The following OR4F15 variants were observed in gnomAD, a reference collection of about 807,000 sequenced individuals.
OR4F15 encodes the protein olfactory receptor 4F15.
OR4F15 carries 7 observed loss-of-function variants against 11.9 expected under a neutral mutation model. That is an observed-to-expected ratio of 0.59 (90% confidence interval 0.33 to 1.10). OR4F15 has a LOEUF of 1.10. Among genes scored for constraint, OR4F15 ranks in the 50% least tolerant of loss-of-function variants. The pLI, the probability that OR4F15 is intolerant of heterozygous loss-of-function variation, is 0.03. For synonymous variants in OR4F15, 151 were observed against 134.6 expected (o/e 1.12, Z -0.84); for missense variants, 445 against 377.5 (o/e 1.18, Z -1.48).
In OR4F15 at chr15:101,819,897, T is replaced by C. The variant is rs186323071; in HGVS notation, c.*772T>C. 1 of 152,366 alleles carries C rather than the reference T, an allele frequency of 6.6e-6. No individual in the cohort carries two copies. The highest frequency in any genetic ancestry group is 1.9e-4 in the East Asian group (1 of 5,190). 9.4% of individuals were successfully genotyped at this position (152,366 alleles called of 1,614,324 possible). ...TATTGCTCCAGTCTCTACATATTTT[T>C]GCCACCTTATCAGGCTTCTTTGGCC... is the stretch of plus-strand genomic sequence containing the variant. On this transcript the variant is annotated 3_prime_UTR_variant, in exon 2 of 2. Coordinates refer to ENST00000332238, the MANE Select transcript of OR4F15 (RefSeq NM_001001674.2).
rs532208355 is a variant in OR4F15 at position 101,819,103 on chromosome 15, C to T, written c.917C>T (p.Ala306Val). 4.9e-5 allele frequency: 78 copies of T among 1,605,322 alleles called. No individual in the cohort carries two copies. The highest frequency in any genetic ancestry group is 9.4e-5 in the African/African-American group (7 of 74,662). Reference protein sequence around the residue: ...VAMRRLCSRLAHFTKIL With the variant: ...VAMRRLCSRLVHFTKIL ...ATGAGGAGACTGTGCAGTCGTCTTGCGCATTTTACAAAGATTTTGTAAATG... is the reference window on the plus strand; with the variant it reads ...ATGAGGAGACTGTGCAGTCGTCTTGTGCATTTTACAAAGATTTTGTAAATG... The change falls in exon 2 of 2, where the codon GCG becomes GTG. Residue 306 changes from alanine to valine, a missense_variant. Transcript: ENST00000332238.
At position 101,820,027 on chromosome 15, in the gene OR4F15, C is replaced by G. The variant is rs1903078445; in HGVS notation, c.*902C>G. 6.6e-6 allele frequency: 1 copy of G among 152,200 alleles called. No individual in the cohort carries two copies. Among genetic ancestry groups the G allele is most frequent in the Non-Finnish European group, 1.5e-5 (1 of 68,040 alleles). 9.4% of individuals were successfully genotyped at this position (152,200 alleles called of 1,614,324 possible). A position where few individuals can be genotyped will look rare whatever the true frequency, so the allele number is the denominator to read the frequency against. Reference sequence around the variant, plus strand: ...CCCCTCAAATTACACGTACTAAAATCCAAGAATTGAGCAGTGACTAGTTTG... The same window carrying G: ...CCCCTCAAATTACACGTACTAAAATGCAAGAATTGAGCAGTGACTAGTTTG... On this transcript the variant is annotated 3_prime_UTR_variant, in exon 2 of 2. Coordinates refer to ENST00000332238, the MANE Select transcript of OR4F15 (RefSeq NM_001001674.2).
At chr15:101,813,412 G>A (rs1470070664) in intron 1 of OR4F15, among the ~76,000 whole-genome samples, 1 of 151,688 alleles carries the variant, frequency 6.6e-6, no homozygotes, top group Non-Finnish European at 1.5e-5. Context: ...GGGAGGCTGA[G>A]GCTACAGAAT....
intron 1 of OR4F15, among the ~76,000 whole-genome samples, chr15:101,817,013 T>C (rs935768333): frequency 2.6e-5 from 4 of 152,194 alleles, no homozygotes; most frequent in Admixed American, 1.3e-4. Flanking sequence ...TTTTATCTTA[T>C]GGTATCCTCT....
chr15:101,813,288 C>G (rs1381587853), intron 1 of OR4F15, among the ~76,000 whole-genome samples: 1 of 152,074 alleles, frequency 6.6e-6, no homozygotes, highest in Non-Finnish European at 1.5e-5. Context: ...GTGGACAGAT[C>G]AGTTGAGTGC....
In OR4F15 at chr15:101,819,011, T is replaced by C; in HGVS notation, c.825T>C (p.Asp275=). 6.2e-7 allele frequency: 1 copy of C among 1,614,132 alleles called. No individual in the cohort carries two copies. Among genetic ancestry groups the C allele is most frequent in the Non-Finnish European group, 8.5e-7 (1 of 1,179,970 alleles). The change falls in exon 2 of 2, where the codon GAT becomes GAC. Residue 275 remains aspartate (D), a synonymous_variant. Coordinates refer to ENST00000332238, the MANE Select transcript of OR4F15 (RefSeq NM_001001674.2). ...TGGATAAATATCTTGCTATTTTTGATGCATTTATTACTCCTTTTCTGAATC... is the reference window on the plus strand; with the variant it reads ...TGGATAAATATCTTGCTATTTTTGACGCATTTATTACTCCTTTTCTGAATC... The part of the protein sequence containing the change: ...SHLDKYLAIF[D]AFITPFLNPV...
At chr15:101,814,195 G>C (rs986493757) in intron 1 of OR4F15, among the ~76,000 whole-genome samples, 2 of 152,070 alleles carry the variant, frequency 1.3e-5, no homozygotes, top group Admixed American at 1.3e-4. Context: ...TTTGTGTTTA[G>C]CTCAATTTAT....
chr15:101,816,487 C>T (rs1205147197), intron 1 of OR4F15, among the ~76,000 whole-genome samples: 1 of 148,834 alleles, frequency 6.7e-6, no homozygotes, highest in Non-Finnish European at 1.5e-5. Context: ...AAGAATATAA[C>T]GTGTGTGTGT....
intron 1 of OR4F15, among the ~76,000 whole-genome samples, chr15:101,813,702 T>C (rs1391339111): frequency 6.6e-6 from 1 of 152,118 alleles, no homozygotes; most frequent in East Asian, 1.9e-4. Context: ...TTTAAGAAAA[T>C]TTTAAAATGT....
Position 101,818,509 on chromosome 15 carries a change from G to C in OR4F15, c.323G>C (p.Gly108Ala), listed in dbSNP as rs200343854. 496 of 1,613,910 alleles carry C rather than the reference G, an allele frequency of 3.1e-4. No individual in the cohort carries two copies. Among genetic ancestry groups the C allele is most frequent in the Non-Finnish European group, 4.1e-4 (478 of 1,179,986 alleles). The change falls in exon 2 of 2, where the codon GGG becomes GCG. Residue 108 changes from glycine (G) to alanine (A), a missense_variant. Gly to Ala is a moderately conservative substitution (Grantham distance 60). Transcript: ENST00000332238. The stretch of plus-strand genomic sequence containing the variant: ...CAGATCTTCTTTAGCCATGCTCTTG[G>C]GGGCACTGAGATGGTGCTGCTCATA... ...ITQIFFSHAL[G>A]GTEMVLLIAM...
rs1351645277 is a variant in OR4F15 at position 101,818,977 on chromosome 15, C to T, written c.791C>T (p.Thr264Ile). The change falls in exon 2 of 2, where the codon ACA becomes ATA. Residue 264 changes from threonine (T) to isoleucine (I), a missense_variant. Physicochemically the swap from Thr to Ile is moderately conservative, Grantham distance 89. Coordinates refer to ENST00000332238, the MANE Select transcript of OR4F15 (RefSeq NM_001001674.2). ...LMFFYTWPSP[T>I]SHLDKYLAIF... ...TTTTTCTACACATGGCCTTCTCCCA[C>T]ATCACACCTGGATAAATATCTTGCT... The T allele has an allele frequency of 1.2e-6, 2 of 1,614,184 alleles. No individual in the cohort carries two copies. The highest frequency in any genetic ancestry group is 1.7e-6 in the Non-Finnish European group (2 of 1,180,022).
At chr15:101,814,922 A>G (rs1380437086) in intron 1 of OR4F15, among the ~76,000 whole-genome samples, 1 of 152,110 alleles carries the variant, frequency 6.6e-6, no homozygotes, top group African/African-American at 2.4e-5. Context: ...AGTTTTTGCT[A>G]TTCAAATTTC....
In OR4F15 at chr15:101,819,981, A is replaced by G. The variant is rs1903077731; in HGVS notation, c.*856A>G. On this transcript the variant is annotated 3_prime_UTR_variant, in exon 2 of 2. Coordinates refer to ENST00000332238, the MANE Select transcript of OR4F15 (RefSeq NM_001001674.2). ...TTCAAATTTAAAGTTAGAGTGGATT[A>G]CCAACACCATCTGTTCCAATCCCCT... 1 of 152,218 alleles carries G rather than the reference A, an allele frequency of 6.6e-6. No individual in the cohort carries two copies. The highest frequency in any genetic ancestry group is 1.9e-4 in the East Asian group (1 of 5,206). 9.4% of individuals were successfully genotyped at this position (152,218 alleles called of 1,614,324 possible).
chr15:101,813,508 CAA>C lies in OR4F15; in HGVS notation c.-38+1253_-38+1254del, dbSNP rs11311342. On this transcript the variant is annotated intron_variant, in intron 1 of 1. Coordinates refer to ENST00000332238, the MANE Select transcript of OR4F15 (RefSeq NM_001001674.2). ...TGGGTGACAGAGTGAGAATCTGTCT[CAA>C]AAAAAAAAAAAAAAAATGCATGATA... is the stretch of plus-strand genomic sequence containing the variant. Among the ~76,000 whole-genome samples the C allele has an allele frequency of 8.3e-3, 886 of 107,302 alleles. 6 individuals are homozygous for C. Among genetic ancestry groups the C allele is most frequent in the South Asian group, 0.052 (161 of 3,108 alleles). The allele number at this position is 107,302 out of a possible 152,430, so 70.4% of individuals were successfully genotyped here.
At chr15:101,815,659 G>T (rs1902976310) in intron 1 of OR4F15, among the ~76,000 whole-genome samples, 1 of 152,088 alleles carries the variant, frequency 6.6e-6, no homozygotes, top group South Asian at 2.1e-4. Flanking sequence ...CATTTGCTGT[G>T]GTGAATATGG....
At position 101,818,223 on chromosome 15, in the gene OR4F15, G is replaced by A; in HGVS notation, c.37G>A (p.Val13Ile). The A allele has an allele frequency of 3.1e-6, 5 of 1,613,216 alleles. No individual in the cohort carries two copies. In the Middle Eastern group the frequency reaches 5.0e-4, roughly 160 times the overall value. The change falls in exon 2 of 2, where the codon GTA (valine) becomes ATA (isoleucine). Residue 13 changes from valine to isoleucine, a missense_variant. Coordinates refer to ENST00000332238, the MANE Select transcript of OR4F15 (RefSeq NM_001001674.2). ...GMNHSVVSEF[V>I]FMGLTNSREI... ...GAATCACTCTGTGGTATCAGAATTT[G>A]TATTCATGGGACTCACCAACTCACG...
Position 101,818,247 on chromosome 15 carries a change from C to G in OR4F15, c.61C>G (p.Arg21Gly). ...EFVFMGLTNS[R>G]EIQLLLFVFS... Reference sequence around the variant, plus strand: ...TGTATTCATGGGACTCACCAACTCACGGGAGATTCAGCTTCTACTTTTTGT... The same window carrying G: ...TGTATTCATGGGACTCACCAACTCAGGGGAGATTCAGCTTCTACTTTTTGT... Residue 21 changes from arginine to glycine, a missense_variant, in exon 2 of 2, where the codon CGG (arginine) becomes GGG (glycine). Coordinates refer to ENST00000332238, the MANE Select transcript of OR4F15 (RefSeq NM_001001674.2). 1 of 1,613,880 alleles carries G rather than the reference C, an allele frequency of 6.2e-7. No individual in the cohort carries two copies.
At chr15:101,815,480 A>G (rs1262308136) in intron 1 of OR4F15, among the ~76,000 whole-genome samples, 2 of 152,166 alleles carry the variant, frequency 1.3e-5, no homozygotes, top group Non-Finnish European at 2.9e-5. Flanking sequence ...AAAATAGTGT[A>G]ATAGAAGTTA....
Position 101,819,502 on chromosome 15 carries a change from T to G in OR4F15, c.*377T>G, listed in dbSNP as rs79568874. The G allele has an allele frequency of 3.6e-4, 57 of 160,050 alleles. No homozygotes were observed. Among genetic ancestry groups the G allele is most frequent in the East Asian group, 5.4e-4 (3 of 5,564 alleles). The allele number at this position is 160,050 out of a possible 1,614,324, so 9.9% of individuals were successfully genotyped here. A position where few individuals can be genotyped will look rare whatever the true frequency, so the allele number is the denominator to read the frequency against. On this transcript the variant is annotated 3_prime_UTR_variant, in exon 2 of 2. Transcript: ENST00000332238. ...CACCTAACTCCTATTTATTTATTTA[T>G]TTAGTTAGTTAGTTACTTATTTGAG...
Sources: gnomAD v4.1 joint callset for allele counts (sites outside exome capture counted in the v4.1 genomes callset) on GRCh38, gnomAD v4.1.1 for gene constraint, MANE v1.5 for transcripts, NCBI Gene and HGNC (gene_info 2026-07-23, HGNC 2026-07-21) for gene names.